The following TCF12 variants were observed in gnomAD, a reference collection of about 807,000 sequenced individuals.
TCF12 encodes DNA-binding protein HTF4.
A neutral mutation model predicts 86.0 loss-of-function variants in TCF12; 45 were observed. The observed-to-expected ratio is 0.52, with a 90% CI of 0.41 to 0.67. The LOEUF (loss-of-function observed/expected upper bound fraction) is 0.67. TCF12 is among the 30% of genes least tolerant of loss of function. The probability of loss-of-function intolerance (pLI) is 0.00; values close to 1 mark genes in which losing one functional copy is unlikely to be tolerated. For missense variants in TCF12, 881 were observed against 859.9 expected, an observed-to-expected ratio of 1.02 and a Z score of -0.31; for synonymous variants, 330 against 299.6, an observed-to-expected ratio of 1.10 and a Z score of -1.05.
intron 7 of TCF12, 121 bp downstream of exon 7, chr15:57,192,414 C>A: frequency 7.4e-7 from 1 of 1,360,316 alleles, no homozygotes; most frequent in Non-Finnish European, 9.9e-7. Context: ...TTTAAGACAG[C>A]GTCTCACTCT....
At chr15:57,104,694 C>T (rs1304719381) in intron 5 of TCF12, among the ~76,000 whole-genome samples, 1 of 151,524 alleles carries the variant, frequency 6.6e-6, no homozygotes, top group Non-Finnish European at 1.5e-5. Context: ...CATTGGCTTG[C>T]CAAAGTGCTG....
intron 3 of TCF12, among the ~76,000 whole-genome samples, chr15:57,051,197 A>G (rs537213461): frequency 6.6e-6 from 1 of 152,298 alleles, no homozygotes; most frequent in South Asian, 2.1e-4. Context: ...GTCTGTAGAA[A>G]GCCCAAATTA....
chr15:56,980,337 A>G (rs565334826), intron 3 of TCF12, among the ~76,000 whole-genome samples: 16 of 152,266 alleles, frequency 1.1e-4, no homozygotes, highest in Admixed American at 9.8e-4. Context: ...TAGGCCATGG[A>G]TGGGATTAAT....
intron 4 of TCF12, among the ~76,000 whole-genome samples, chr15:57,088,686 A>G (rs1182079175): frequency 6.6e-6 from 1 of 152,068 alleles, no homozygotes; most frequent in African/African-American, 2.4e-5. Flanking sequence ...AGTGTAGTTG[A>G]TAAGCCAGCA....
intron 5 of TCF12, among the ~76,000 whole-genome samples, chr15:57,095,451 G>T (rs796406426): frequency 6.6e-6 from 1 of 152,094 alleles, no homozygotes. Context: ...GAATTGCCTG[G>T]CTTCCATCCC....
At chr15:57,042,490 T>G (rs992630672) in intron 3 of TCF12, among the ~76,000 whole-genome samples, 1 of 152,208 alleles carries the variant, frequency 6.6e-6, no homozygotes, top group African/African-American at 2.4e-5. Flanking sequence ...CATTGCTCAC[T>G]GTGACCTCAA....
intron 4 of TCF12, among the ~76,000 whole-genome samples, chr15:57,067,538 CAAAAA>C (rs141377160): frequency 8.9e-4 from 52 of 58,550 alleles, no homozygotes; most frequent in African/African-American, 4.7e-3. Flanking sequence ...GACTCCGTCT[CAAAAA>C]AAAAAAAAAA....
At chr15:57,026,016 A>G (rs1473984574) in intron 3 of TCF12, among the ~76,000 whole-genome samples, 3 of 152,104 alleles carry the variant, frequency 2.0e-5, no homozygotes, top group African/African-American at 7.2e-5. Context: ...CAGGAATAAT[A>G]CTCTCCAGAG....
intron 17 of TCF12, among the ~76,000 whole-genome samples, chr15:57,262,855 T>C (rs1834340624): frequency 6.6e-6 from 1 of 152,228 alleles, no homozygotes; most frequent in African/African-American, 2.4e-5. Flanking sequence ...ATTTGTTAAA[T>C]AGTGCCTGAA....
intron 3 of TCF12, among the ~76,000 whole-genome samples, chr15:57,038,372 G>A (rs1188138550): frequency 1.3e-5 from 2 of 149,600 alleles, no homozygotes; most frequent in Non-Finnish European, 3.0e-5. Context: ...AGGTTGCAGT[G>A]AGCCATGACC....
rs576239014 is a variant in TCF12, at chr15:57,288,469, T to C, written c.*2324T>C. 4.6e-5 allele frequency: 7 copies of C among 152,792 alleles called. No individual in the cohort carries two copies. Among genetic ancestry groups the C allele is most frequent in the African/African-American group, 1.7e-4 (7 of 41,590 alleles). 9.5% of individuals were successfully genotyped at this position (152,792 alleles called of 1,614,324 possible). ...TGTAACAGAAAACACAATATGTATA[T>C]AACATTTATGTAGCAATAAATGTGC... On this transcript the variant is annotated 3_prime_UTR_variant, in exon 21 of 21. Coordinates refer to ENST00000333725, the MANE Select transcript of TCF12 (RefSeq NM_207037.2).
intron 3 of TCF12, among the ~76,000 whole-genome samples, chr15:56,961,224 G>A (rs538536959): frequency 6.6e-6 from 1 of 152,170 alleles, no homozygotes; most frequent in Non-Finnish European, 1.5e-5. Context: ...AGGTGTATTG[G>A]ATATGGTCAT....
chr15:57,182,748 C>G (rs16977280), intron 6 of TCF12, among the ~76,000 whole-genome samples: 6,887 of 152,166 alleles, frequency 0.045, 456 homozygotes, highest in African/African-American at 0.15. Context: ...AACACTAAAA[C>G]TGGTAGCTAG....
chr15:57,239,514 T>TAAAAAAAA (rs1452029409), intron 12 of TCF12, among the ~76,000 whole-genome samples: 1 of 47,186 alleles, frequency 2.1e-5, no homozygotes. Context: ...AGACTCCATC[T>TAAAAAAAA]CAAAAAAAAA....
chr15:56,958,787 G>A (rs2061613672), intron 3 of TCF12, among the ~76,000 whole-genome samples: 1 of 152,078 alleles, frequency 6.6e-6, no homozygotes, highest in South Asian at 2.1e-4. Flanking sequence ...CTGGGATGCA[G>A]AGACAGGAGG....
chr15:57,082,868 A>G (rs1466942011), intron 4 of TCF12, among the ~76,000 whole-genome samples: 1 of 152,224 alleles, frequency 6.6e-6, no homozygotes. Flanking sequence ...TATTCCTAAA[A>G]TGTTTATAAC....
At chr15:57,273,884 A>G (rs2061259753) in intron 19 of TCF12, among the ~76,000 whole-genome samples, 1 of 152,138 alleles carries the variant, frequency 6.6e-6, no homozygotes, top group African/African-American at 2.4e-5. Flanking sequence ...TTTTTCAGGA[A>G]GTTTGTTGCA....
intron 4 of TCF12, among the ~76,000 whole-genome samples, chr15:57,084,486 C>T (rs1189622260): frequency 1.3e-5 from 2 of 152,072 alleles, no homozygotes; most frequent in African/African-American, 2.4e-5. Flanking sequence ...CCAGTTCTTG[C>T]CAAACTTCAT....
chr15:57,232,506 A>C (rs1022419181), intron 10 of TCF12, 76 bp downstream of exon 10: 7 of 1,518,040 alleles, frequency 4.6e-6, no homozygotes, highest in Middle Eastern at 3.6e-4. Context: ...AGAAGTGTAA[A>C]ATCTAAGTCT....
Sources: gnomAD v4.1 joint callset for allele counts (sites outside exome capture counted in the v4.1 genomes callset) on GRCh38, gnomAD v4.1.1 for gene constraint, MANE v1.5 for transcripts, NCBI Gene and HGNC (gene_info 2026-07-23, HGNC 2026-07-21) for gene names.